Variants in NWD2 observed in about 807,000 individuals in gnomAD.
The protein encoded by NWD2 is NACHT and WD repeat domain containing 2.
Under a neutral mutation model 132.7 loss-of-function variants are expected in NWD2, and 37 were observed. The ratio of observed to expected loss-of-function variants is 0.28; its 90% CI spans 0.21 to 0.37. The LOEUF (loss-of-function observed/expected upper bound fraction) is 0.37. Among genes scored for constraint, NWD2 ranks in the 10% least tolerant of loss-of-function variants. The pLI, the probability that NWD2 is intolerant of heterozygous loss-of-function variation, is 1.00. For synonymous variants in NWD2, 705 were observed against 803.0 expected, an observed-to-expected ratio of 0.88 and a Z score of 2.06; for missense variants, 1,592 against 2,122.4, an observed-to-expected ratio of 0.75 and a Z score of 4.91.
At chr4:37,406,336 A>G (rs1721002410) in intron 3 of NWD2, among the ~76,000 whole-genome samples, 1 of 152,190 alleles carries the variant, frequency 6.6e-6, no homozygotes, top group South Asian at 2.1e-4. Context: ...GTGCTTCATA[A>G]TTGATACAGT....
At chr4:37,265,278 G>T (rs1717725764) in intron 1 of NWD2, among the ~76,000 whole-genome samples, 1 of 152,106 alleles carries the variant, frequency 6.6e-6, no homozygotes. Context: ...CAGTCTCTGT[G>T]TAAAGACACA....
intron 1 of NWD2, among the ~76,000 whole-genome samples, chr4:37,267,210 TA>T (rs35574437): frequency 2.0e-5 from 3 of 152,066 alleles, no homozygotes; most frequent in African/African-American, 7.2e-5. Flanking sequence ...TCATGCTAAT[TA>T]AAAATTATCA....
At chr4:37,358,032 C>T (rs957192996) in intron 3 of NWD2, among the ~76,000 whole-genome samples, 1 of 151,998 alleles carries the variant, frequency 6.6e-6, no homozygotes, top group African/African-American at 2.4e-5. Context: ...TATCATGGGG[C>T]CTTTTCATCT....
At chr4:37,362,954 C>G (rs1196101045) in intron 3 of NWD2, among the ~76,000 whole-genome samples, 1 of 151,894 alleles carries the variant, frequency 6.6e-6, no homozygotes, top group Non-Finnish European at 1.5e-5. Flanking sequence ...GGAACTTAAA[C>G]AATGGAAGAA....
At chr4:37,330,682 T>C (rs1298801281) in intron 2 of NWD2, among the ~76,000 whole-genome samples, 1 of 152,188 alleles carries the variant, frequency 6.6e-6, no homozygotes, top group Non-Finnish European at 1.5e-5. Flanking sequence ...CTGGTTCTTG[T>C]TTGTTTTTAA....
chr4:37,272,758 C>T (rs1717898198), intron 1 of NWD2, among the ~76,000 whole-genome samples: 1 of 151,468 alleles, frequency 6.6e-6, no homozygotes, highest in Non-Finnish European at 1.5e-5. Context: ...CCTTTTATTT[C>T]ATTGCTTTCT....
intron 1 of NWD2, among the ~76,000 whole-genome samples, chr4:37,311,293 C>G (rs1718836732): frequency 6.6e-6 from 1 of 152,130 alleles, no homozygotes; most frequent in Non-Finnish European, 1.5e-5. Flanking sequence ...TCTCCAGCAC[C>G]TGTTGTTTCC....
chr4:37,381,993 G>A (rs1183897223), intron 3 of NWD2, among the ~76,000 whole-genome samples: 2 of 152,140 alleles, frequency 1.3e-5, no homozygotes, highest in Non-Finnish European at 2.9e-5. Context: ...AGAGACATTC[G>A]TGACACTGTG....
chr4:37,446,144 A>C lies in NWD2; in HGVS notation c.4156A>C (p.Thr1386Pro). The C allele has an allele frequency of 6.4e-7, 1 of 1,551,790 alleles. No individual in the cohort carries two copies. The highest frequency in any genetic ancestry group is 8.7e-7 in the Non-Finnish European group (1 of 1,147,034). ...DDKSSQYVWH[T>P]SSGENLFRIN... ...CAAAAGCAGCCAGTATGTCTGGCAC[A>C]CCAGCAGTGGTGAAAACCTTTTTCG... Residue 1386 changes from threonine (T) to proline (P), a missense_variant, in exon 7 of 7, where the codon ACC becomes CCC. Transcript: ENST00000309447. This position sits in a 1 kb window ranked among gnomAD's most constrained non-coding sequence, Gnocchi z 6.7.
intron 2 of NWD2, among the ~76,000 whole-genome samples, chr4:37,331,713 G>A (rs1425381542): frequency 2.0e-5 from 3 of 152,156 alleles, no homozygotes; most frequent in African/African-American, 7.2e-5. Context: ...AATAGCATGA[G>A]AACCAAAAAT....
intron 1 of NWD2, among the ~76,000 whole-genome samples, chr4:37,316,317 C>G (rs1265779352): frequency 1.3e-5 from 2 of 152,054 alleles, no homozygotes; most frequent in African/African-American, 4.8e-5. Context: ...CTATTGCCTT[C>G]TGGCTTCCAC....
intron 1 of NWD2, among the ~76,000 whole-genome samples, chr4:37,301,339 TC>T (rs1193678569): frequency 6.6e-6 from 1 of 152,112 alleles, no homozygotes; most frequent in Non-Finnish European, 1.5e-5. Context: ...TTTGTTGACT[TC>T]CCTGAATCTG....
chr4:37,358,351 G>C lies in NWD2; in HGVS notation c.357+1869G>C, dbSNP rs146437484. 1.5e-3 allele frequency among the ~76,000 whole-genome samples: 235 copies of C among 151,802 alleles called. 1 individual carries two copies. Among genetic ancestry groups the C allele is most frequent in the African/African-American group, 5.3e-3 (218 of 41,192 alleles). On this transcript the variant is annotated intron_variant, in intron 3 of 6. Transcript: ENST00000309447. ...GCCAAATGAGAAAAATACGTGGTTT[G>C]GGGGGGTTGGGGGAACGAACACCGA... is the stretch of plus-strand genomic sequence containing the variant.
intron 3 of NWD2, among the ~76,000 whole-genome samples, chr4:37,389,713 A>AT (rs1720642011): frequency 6.6e-6 from 1 of 151,864 alleles, no homozygotes; most frequent in African/African-American, 2.4e-5. Flanking sequence ...TATAACTTAC[A>AT]TTTTTTCTAA....
intron 3 of NWD2, among the ~76,000 whole-genome samples, chr4:37,358,471 T>C (rs1719914717): frequency 1.3e-5 from 2 of 152,132 alleles, no homozygotes; most frequent in South Asian, 2.1e-4. Context: ...ATTCTTTTCC[T>C]TGGGTCATTG....
intron 3 of NWD2, among the ~76,000 whole-genome samples, chr4:37,415,506 C>T (rs1459509332): frequency 3.3e-5 from 5 of 152,018 alleles, no homozygotes; most frequent in East Asian, 1.9e-4. Flanking sequence ...AAATCAAGAC[C>T]ATCCTGGCTA....
chr4:37,393,128 A>G (rs1720711878), intron 3 of NWD2, among the ~76,000 whole-genome samples: 2 of 152,150 alleles, frequency 1.3e-5, no homozygotes, highest in Non-Finnish European at 2.9e-5. Flanking sequence ...AGGCCAAGCC[A>G]TGAATGTTGG....
intron 1 of NWD2, among the ~76,000 whole-genome samples, chr4:37,267,432 AC>A (rs1355471694): frequency 6.6e-6 from 1 of 151,934 alleles, no homozygotes; most frequent in African/African-American, 2.4e-5. Context: ...GATCATAGCA[AC>A]CCCATCAGAG....
rs145034744 is a variant in NWD2 at position 37,283,549 on chromosome 4, A to G, written c.151+38331A>G. Among the ~76,000 whole-genome samples the G allele has an allele frequency of 1.3e-3, 200 of 152,322 alleles. 4 individuals carry two copies. In the East Asian group the frequency reaches 0.026, roughly 20 times the overall value. ...TGAACCTCCTGAACTTAGGAGTTTT[A>G]CATCTTTCTAAAAGCCTTGTACCGT... is the stretch of plus-strand genomic sequence containing the variant. On this transcript the variant is annotated intron_variant, in intron 1 of 6. Transcript: ENST00000309447.
Sources: allele counts gnomAD v4.1 joint callset (sites outside exome capture counted in the v4.1 genomes callset), GRCh38; gene constraint gnomAD v4.1.1; non-coding constraint Gnocchi (gnomAD v3.1); transcripts MANE v1.5; gene names NCBI Gene and HGNC (gene_info 2026-07-23, HGNC 2026-07-21).